PAPPA2: variants seen among roughly 807,000 people sequenced by gnomAD.
PAPPA2 encodes pappalysin 2, also known as pappalysin-2.
A neutral mutation model predicts 176.4 loss-of-function variants in PAPPA2; 86 were observed. The ratio of observed to expected loss-of-function variants is 0.49; its 90% CI spans 0.41 to 0.58. The LOEUF is 0.58. Ranked by LOEUF, PAPPA2 falls within the 20% of genes least tolerant of loss-of-function variation. PAPPA2 has a pLI of 0.00. For synonymous variants in PAPPA2, 809 were observed against 852.2 expected (o/e 0.95, Z 0.88); for missense variants, 2,073 against 2,256.9 (o/e 0.92, Z 1.65).
intron 2 of PAPPA2, among the ~76,000 whole-genome samples, chr1:176,586,633 T>C (rs1016544824): frequency 1.2e-4 from 19 of 152,356 alleles, no homozygotes; most frequent in African/African-American, 4.6e-4. Context: ...CTTTCCTTTT[T>C]ATGGCTGCAT....
chr1:176,692,975 A>G (rs1223297760), intron 6 of PAPPA2, among the ~76,000 whole-genome samples: 2 of 152,222 alleles, frequency 1.3e-5, no homozygotes, highest in African/African-American at 4.8e-5. Flanking sequence ...TTTGCTGAAG[A>G]AAAGCATTAC....
chr1:176,572,513 G>A (rs561976843), intron 2 of PAPPA2, among the ~76,000 whole-genome samples: 2 of 152,136 alleles, frequency 1.3e-5, no homozygotes, highest in Non-Finnish European at 2.9e-5. Flanking sequence ...GGTTCTGATT[G>A]GCATAGTATT....
At chr1:176,680,630 G>A (rs1168781265) in intron 4 of PAPPA2, among the ~76,000 whole-genome samples, 1 of 152,120 alleles carries the variant, frequency 6.6e-6, no homozygotes, top group Non-Finnish European at 1.5e-5. Context: ...ACTAACCTAA[G>A]TTATAAAGCG....
At chr1:176,706,232 C>A in intron 9 of PAPPA2, 127 bp from the exon 10 acceptor site, 1 of 694,146 alleles carries the variant, frequency 1.4e-6, no homozygotes, top group Non-Finnish European at 2.4e-6. Context: ...ATTCTTCTAG[C>A]TCCTACTTTT....
At chr1:176,558,475 C>T (rs1394384520) in intron 2 of PAPPA2, among the ~76,000 whole-genome samples, 2 of 152,176 alleles carry the variant, frequency 1.3e-5, no homozygotes, top group Non-Finnish European at 2.9e-5. Flanking sequence ...CTCTGTCTCC[C>T]CCTCTTTGGC....
intron 21 of PAPPA2, among the ~76,000 whole-genome samples, chr1:176,803,489 A>G (rs1665771613): frequency 6.6e-6 from 1 of 152,170 alleles, no homozygotes; most frequent in Non-Finnish European, 1.5e-5. Flanking sequence ...ACCAATAAAG[A>G]CCAACTGAGA....
intron 1 of PAPPA2, among the ~76,000 whole-genome samples, chr1:176,544,910 G>A (rs1034516358): frequency 2.0e-5 from 3 of 152,146 alleles, no homozygotes; most frequent in Non-Finnish European, 4.4e-5. Context: ...ACAACCAGAT[G>A]AAAGAAATGC....
chr1:176,696,271 C>G (rs1480339418), intron 7 of PAPPA2, among the ~76,000 whole-genome samples: 3 of 137,428 alleles, frequency 2.2e-5, no homozygotes, highest in Non-Finnish European at 4.5e-5. Context: ...GGAAACACAC[C>G]GCAGAGAACA....
chr1:176,693,831 C>T (rs913581448), intron 6 of PAPPA2, among the ~76,000 whole-genome samples: 1 of 152,148 alleles, frequency 6.6e-6, no homozygotes, highest in Non-Finnish European at 1.5e-5. Flanking sequence ...CAGCTTTGGT[C>T]GAACTGCCTG....
intron 21 of PAPPA2, among the ~76,000 whole-genome samples, chr1:176,838,869 C>G (rs1038232579): frequency 6.6e-6 from 1 of 152,230 alleles, no homozygotes; most frequent in Non-Finnish European, 1.5e-5. Context: ...AACTGGTATA[C>G]ATCTGGAATG....
chr1:176,582,093 T>A (rs1227115025), intron 2 of PAPPA2, among the ~76,000 whole-genome samples: 1 of 151,856 alleles, frequency 6.6e-6, no homozygotes, highest in Non-Finnish European at 1.5e-5. Context: ...CCGGCTAATT[T>A]TTTTTTTGTA....
At chr1:176,840,585 T>C (rs1490224565) in intron 22 of PAPPA2, among the ~76,000 whole-genome samples, 1 of 152,116 alleles carries the variant, frequency 6.6e-6, no homozygotes, top group Non-Finnish European at 1.5e-5. Flanking sequence ...TCCTTACCCC[T>C]GGGGGAGGTG....
chr1:176,756,156 T>C (rs139068723), intron 14 of PAPPA2, among the ~76,000 whole-genome samples: 24 of 152,308 alleles, frequency 1.6e-4, no homozygotes, highest in Non-Finnish European at 3.1e-4. Flanking sequence ...GGTTTCACCA[T>C]GTTGGCCAGG....
At chr1:176,493,357 A>G (rs985957455) in intron 1 of PAPPA2, among the ~76,000 whole-genome samples, 2 of 152,148 alleles carry the variant, frequency 1.3e-5, no homozygotes, top group Non-Finnish European at 2.9e-5. Context: ...TCAGTTTCAA[A>G]CATTAGCGAA....
At chr1:176,813,808 A>C (rs1298809804) in intron 21 of PAPPA2, among the ~76,000 whole-genome samples, 4 of 152,122 alleles carry the variant, frequency 2.6e-5, no homozygotes, top group Non-Finnish European at 5.9e-5. Flanking sequence ...CCATTTGTCA[A>C]TTTTGGCTTT....
intron 21 of PAPPA2, among the ~76,000 whole-genome samples, chr1:176,818,573 C>A (rs949078337): frequency 6.7e-6 from 1 of 148,622 alleles, no homozygotes; most frequent in Non-Finnish European, 1.5e-5. Context: ...AAAATATATC[C>A]ACACACCAGC....
chr1:176,514,279 ACTCCTTTAAACAACAG>A (rs1648778146), intron 1 of PAPPA2, among the ~76,000 whole-genome samples: 2 of 151,968 alleles, frequency 1.3e-5, no homozygotes, highest in South Asian at 2.1e-4. Context: ...GCGGTGTCAG[ACTCCTTTAAACAACAG>A]CTCCTTTAAA....
intron 1 of PAPPA2, among the ~76,000 whole-genome samples, chr1:176,528,113 G>T (rs1246529316): frequency 6.6e-6 from 1 of 152,156 alleles, no homozygotes; most frequent in Admixed American, 6.5e-5. Flanking sequence ...GCATTCAAAT[G>T]GACCCTGCAT....
At chr1:176,781,345 G>T (rs1279014678) in intron 17 of PAPPA2, among the ~76,000 whole-genome samples, 2 of 129,878 alleles carry the variant, frequency 1.5e-5, no homozygotes, top group Non-Finnish European at 3.2e-5. Context: ...TTTTACATGT[G>T]AGAAGAGCTT....
Sources: gnomAD v4.1 joint callset for allele counts (sites outside exome capture counted in the v4.1 genomes callset) on GRCh38, gnomAD v4.1.1 for gene constraint, MANE v1.5 for transcripts, NCBI Gene and HGNC (gene_info 2026-07-23, HGNC 2026-07-21) for gene names.